The following XRN1 variants were observed in gnomAD, a reference collection of about 807,000 sequenced individuals.
The protein encoded by XRN1 is 5'-3' exoribonuclease 1.
Under a neutral mutation model 222.3 loss-of-function variants are expected in XRN1, and 67 were observed. The ratio of observed to expected loss-of-function variants is 0.30; its 90% CI spans 0.25 to 0.37. The LOEUF is 0.37. Ranked by LOEUF, XRN1 falls within the 10% of genes least tolerant of loss-of-function variation. The pLI is 1.00. For synonymous variants in XRN1, 643 were observed against 652.4 expected, an observed-to-expected ratio of 0.99 and a Z score of 0.22; for missense variants, 1,707 against 2,000.2, an observed-to-expected ratio of 0.85 and a Z score of 2.80.
chr3:142,315,807 G>A (rs955376093), intron 39 of XRN1, among the ~76,000 whole-genome samples: 16 of 152,086 alleles, frequency 1.1e-4, no homozygotes, highest in African/African-American at 2.9e-4. Context: ...GAGCCACTGC[G>A]CCCGGCCTAA....
chr3:142,384,016 A>T lies in XRN1; in HGVS notation c.2502+507T>A, dbSNP rs1411014785. 2.0e-5 allele frequency among the ~76,000 whole-genome samples: 3 copies of T among 152,236 alleles called. No individual in the cohort carries two copies. The East Asian group carries it at 5.8e-4, about 29-fold the overall frequency. On this transcript the variant is annotated intron_variant, in intron 21 of 40. Coordinates refer to ENST00000392981, the MANE Select transcript of XRN1 (RefSeq NM_001282857.2). ...CTGGGCGCAGTGGCTCACGCCTGTAATCTCAGCACTTTGGGAGGCCGAGGT... is the reference window on the plus strand; with the variant it reads ...CTGGGCGCAGTGGCTCACGCCTGTATTCTCAGCACTTTGGGAGGCCGAGGT...
rs1351317914 is a variant in XRN1 at position 142,447,625 on chromosome 3, G to A, written c.75+245C>T. 2.6e-5 allele frequency among the ~76,000 whole-genome samples: 4 copies of A among 152,224 alleles called. No individual in the cohort carries two copies. The highest frequency in any genetic ancestry group is 2.6e-4 in the Admixed American group (4 of 15,290). On this transcript the variant is annotated intron_variant, in intron 1 of 40. Coordinates refer to ENST00000392981, the MANE Select transcript of XRN1 (RefSeq NM_001282857.2). The surrounding 1 kb of genome is among the most constrained non-coding windows in gnomAD (Gnocchi z 4.2). ...TCATTTCGGAGTCGCGGAAGGACCAGCAGAAGCAAGAGCTGTCAGAGAAGC... is the reference window on the plus strand; with the variant it reads ...TCATTTCGGAGTCGCGGAAGGACCAACAGAAGCAAGAGCTGTCAGAGAAGC...
At chr3:142,320,331 T>C (rs1310779647) in intron 37 of XRN1, among the ~76,000 whole-genome samples, 2 of 152,200 alleles carry the variant, frequency 1.3e-5, no homozygotes, top group South Asian at 2.1e-4. Flanking sequence ...ATTAGTAATG[T>C]TGAACATTTC....
chr3:142,335,667 G>A (rs2065833101), intron 33 of XRN1, among the ~76,000 whole-genome samples, 158 bp from the exon 34 acceptor site: 1 of 152,176 alleles, frequency 6.6e-6, no homozygotes, highest in South Asian at 2.1e-4. Context: ...ATAAGGGGGA[G>A]AAGAGACACT....
chr3:142,423,996 C>G (rs1229164348), intron 5 of XRN1, among the ~76,000 whole-genome samples: 2 of 151,220 alleles, frequency 1.3e-5, no homozygotes, highest in Non-Finnish European at 2.9e-5. Flanking sequence ...TTTCTATGAC[C>G]AAAGAATGCA....
At chr3:142,313,755 G>A (rs72990410) in intron 39 of XRN1, among the ~76,000 whole-genome samples, 2,010 of 152,244 alleles carry the variant, frequency 0.013, 28 homozygotes, top group African/African-American at 0.035. Context: ...AAAATTAGGC[G>A]AGGCGCAGTG....
chr3:142,378,587 A>C (rs910073480), intron 23 of XRN1, among the ~76,000 whole-genome samples: 1 of 152,232 alleles, frequency 6.6e-6, no homozygotes, highest in African/African-American at 2.4e-5. Flanking sequence ...AGTAGAACAG[A>C]AGTATAACAA....
At chr3:142,370,878 AC>A (rs1396702333) in intron 26 of XRN1, among the ~76,000 whole-genome samples, 6 of 151,642 alleles carry the variant, frequency 4.0e-5, no homozygotes, top group African/African-American at 7.3e-5. Context: ...ATGCAAAAAA[AC>A]AAAACAAAAC....
At chr3:142,412,723 G>A (rs2068633216) in intron 14 of XRN1, 60 bp from the exon 15 acceptor site, 2 of 1,262,196 alleles carry the variant, frequency 1.6e-6, no homozygotes, top group South Asian at 4.4e-5. Context: ...ATAGTTTTTT[G>A]TTAATGTATT....
chr3:142,362,700 C>G (rs1210852381), intron 29 of XRN1, among the ~76,000 whole-genome samples: 1 of 149,296 alleles, frequency 6.7e-6, no homozygotes, highest in African/African-American at 2.5e-5. Context: ...CTCTCCCTCC[C>G]TTCTTTTCTT....
intron 20 of XRN1, among the ~76,000 whole-genome samples, chr3:142,393,042 T>C (rs2067793011): frequency 6.6e-6 from 1 of 151,790 alleles, no homozygotes; most frequent in Non-Finnish European, 1.5e-5. Context: ...TGGTATCTCA[T>C]TGTGGTTTTG....
intron 19 of XRN1, among the ~76,000 whole-genome samples, chr3:142,399,901 C>T (rs2068064834): frequency 6.7e-6 from 1 of 149,410 alleles, no homozygotes; most frequent in South Asian, 2.1e-4. Context: ...AAAATTCTAG[C>T]CATATGAAAA....
chr3:142,373,864 C>T (rs1248439342), intron 25 of XRN1, among the ~76,000 whole-genome samples: 2 of 152,120 alleles, frequency 1.3e-5, no homozygotes, highest in Non-Finnish European at 2.9e-5. Context: ...TGCCTGTAAT[C>T]CCAGCTACTC....
chr3:142,417,818 C>G (rs1342736183), intron 12 of XRN1: 1 of 152,168 alleles, frequency 6.6e-6, no homozygotes, highest in Non-Finnish European at 1.5e-5. Flanking sequence ...AAAATATTCA[C>G]TTAGAAATTA....
At chr3:142,414,442 TAGC>T in intron 13 of XRN1, 151 bp from the exon 14 acceptor site, 1 of 566,586 alleles carries the variant, frequency 1.8e-6, no homozygotes, top group East Asian at 3.6e-5. Flanking sequence ...TATAAGAAAT[TAGC>T]AGTGTTGGAA....
chr3:142,429,418 G>T (rs2069420617), intron 2 of XRN1, among the ~76,000 whole-genome samples: 1 of 152,150 alleles, frequency 6.6e-6, no homozygotes, highest in Non-Finnish European at 1.5e-5. Flanking sequence ...AAAGTGCTGG[G>T]ATTACAGGTG....
intron 25 of XRN1, among the ~76,000 whole-genome samples, chr3:142,371,909 A>C (rs993473035): frequency 6.6e-6 from 1 of 152,222 alleles, no homozygotes; most frequent in Admixed American, 6.5e-5. Context: ...AAAATTTTAG[A>C]AACTGGAAAC....
Position 142,418,721 on chromosome 3 carries a change from A to T in XRN1, c.1240+94T>A, listed in dbSNP as rs1248101167. The T allele has an allele frequency of 1.4e-5, 21 of 1,494,912 alleles. No homozygotes were observed. The South Asian group carries it at 2.3e-4, about 16-fold the overall frequency. The allele number at this position is 1,494,912 out of a possible 1,614,324, so 92.6% of individuals were successfully genotyped here. On this transcript the variant is annotated intron_variant, in intron 11 of 40. Transcript: ENST00000392981. Reference sequence around the variant, plus strand: ...TTGATGCTTATATGCTATCACAGAAATCTGTTCCACCCAAAATTAGTAATA... The same window carrying T: ...TTGATGCTTATATGCTATCACAGAATTCTGTTCCACCCAAAATTAGTAATA...
At chr3:142,409,064 A>T (rs2068461217) in intron 15 of XRN1, among the ~76,000 whole-genome samples, 1 of 152,196 alleles carries the variant, frequency 6.6e-6, no homozygotes, top group Non-Finnish European at 1.5e-5. Flanking sequence ...CTTGAGTTGG[A>T]GGAGCTGGTT....
Sources: gnomAD v4.1 joint callset for allele counts (sites outside exome capture counted in the v4.1 genomes callset) on GRCh38, gnomAD v4.1.1 for gene constraint, Gnocchi (gnomAD v3.1) non-coding constraint, MANE v1.5 for transcripts, NCBI Gene and HGNC (gene_info 2026-07-23, HGNC 2026-07-21) for gene names.